GANAB: variants seen among roughly 807,000 people sequenced by gnomAD.
GANAB encodes the protein glucosidase II alpha subunit.
In GANAB, 35 loss-of-function variants were observed where a neutral mutation model predicts 129.9. The ratio of observed to expected loss-of-function variants is 0.27; its 90% CI spans 0.21 to 0.36. The LOEUF (loss-of-function observed/expected upper bound fraction) is 0.36, where lower values mean the gene tolerates loss of function less well. GANAB is among the 10% of genes least tolerant of loss of function. GANAB has a pLI of 1.00. For synonymous variants in GANAB, 482 were observed against 451.8 expected, an observed-to-expected ratio of 1.07 and a Z score of -0.85; for missense variants, 939 against 1,221.0, an observed-to-expected ratio of 0.77 and a Z score of 3.44.
intron 9 of GANAB, among the ~76,000 whole-genome samples, chr11:62,631,516 G>A (rs887448235): frequency 2.0e-5 from 3 of 150,424 alleles, no homozygotes; most frequent in African/African-American, 4.9e-5. Flanking sequence ...AGGCTGGAGT[G>A]CAATGGTGTG....
chr11:62,634,453 T>C, intron 5 of GANAB: 2 of 924,374 alleles, frequency 2.2e-6, no homozygotes, highest in Non-Finnish European at 3.6e-6. Flanking sequence ...TAAAAGTGAG[T>C]TTCAGTCGAC....
In GANAB at chr11:62,629,301, G is replaced by A. The variant is rs751441000; in HGVS notation, c.1835-6C>T. ...GTCCCCTGTCCACACGGCTCCTGAGGAAGACAAGAAGTGGGGAGCTTGCAC... is the reference window on the plus strand; with the variant it reads ...GTCCCCTGTCCACACGGCTCCTGAGAAAGACAAGAAGTGGGGAGCTTGCAC... On this transcript the variant is annotated splice_region_variant and splice_polypyrimidine_tract_variant and intron_variant, in intron 15 of 23. Coordinates refer to ENST00000356638, the MANE Select transcript of GANAB (RefSeq NM_198334.3). The A allele has an allele frequency of 1.1e-5, 17 of 1,586,384 alleles. No individual in the cohort carries two copies. Among genetic ancestry groups the A allele is most frequent in the Non-Finnish European group, 1.5e-5 (17 of 1,154,786 alleles).
At chr11:62,646,148 C>T (rs1565116193) in intron 1 of GANAB, among the ~76,000 whole-genome samples, 1 of 152,202 alleles carries the variant, frequency 6.6e-6, no homozygotes, top group Non-Finnish European at 1.5e-5. Context: ...TGGCCCGGTG[C>T]TTCCAGCTCA....
intron 9 of GANAB, among the ~76,000 whole-genome samples, chr11:62,632,204 C>T (rs1448308920): frequency 6.6e-6 from 1 of 151,810 alleles, no homozygotes. Context: ...CAACTTCTGA[C>T]CTCAGGTGAT....
At position 62,629,644 on chromosome 11, in the gene GANAB, C is replaced by T; in HGVS notation, c.1778G>A (p.Gly593Asp). 6 of 1,613,460 alleles carry T rather than the reference C, an allele frequency of 3.7e-6. No homozygotes were observed. The highest frequency in any genetic ancestry group is 1.1e-5 in the South Asian group (1 of 91,004). Residue 593 changes from glycine (G) to aspartate (D), a missense_variant, in exon 15 of 24, where the codon GGC becomes GAC. Coordinates refer to ENST00000356638, the MANE Select transcript of GANAB (RefSeq NM_198334.3). The stretch of plus-strand genomic sequence containing the variant: ...GGCCAGGACAAAGGGGCGTTCCATG[C>T]CCCCAGAGCGCTGTCTCAGCCCATC... ...TADGLRQRSGGMERPFVLARA... is the reference protein window; with the variant it reads ...TADGLRQRSGDMERPFVLARA...
Position 62,625,589 on chromosome 11 carries a change from A to C in GANAB, c.*226T>G, listed in dbSNP as rs1284183222. 1.4e-5 allele frequency: 8 copies of C among 556,694 alleles called. No individual in the cohort carries two copies. Among genetic ancestry groups the C allele is most frequent in the Admixed American group, 3.1e-5 (1 of 32,720 alleles). The allele number at this position is 556,694 out of a possible 1,614,324, so 34.5% of individuals were successfully genotyped here. A position where few individuals can be genotyped will look rare whatever the true frequency, so the allele number is the denominator to read the frequency against. ...GTTAGAGCAACAGGATGTTGGGGGA[A>C]TGAAGGGAAAGAGTTGGTATCAATG... On this transcript the variant is annotated 3_prime_UTR_variant, in exon 24 of 24. Coordinates refer to ENST00000356638, the MANE Select transcript of GANAB (RefSeq NM_198334.3).
At position 62,630,667 on chromosome 11, in the gene GANAB, G is replaced by A. The variant is rs141271178; in HGVS notation, c.1320C>T (p.Thr440=). 1,090 of 1,614,214 alleles carry A rather than the reference G, an allele frequency of 6.8e-4. 3 individuals carry two copies. In the African/African-American group the frequency reaches 0.012, roughly 18 times the overall value. The change falls in exon 11 of 24, where the codon ACC becomes ACT. Residue 440 remains threonine, a synonymous_variant. Transcript: ENST00000356638. ...GCTGAGGGAAGCGACTGGGGTCCCA[G>A]GTGAAATACCGCTTGCCATCAGCAT... ...IEHADGKRYF[T]WDPSRFPQPR... is the part of the protein sequence containing the mutation.
chr11:62,638,560 A>G (rs1385635156), intron 4 of GANAB, among the ~76,000 whole-genome samples: 1 of 151,496 alleles, frequency 6.6e-6, no homozygotes, highest in East Asian at 1.9e-4. Context: ...CCTATTCTGA[A>G]TATCTAAGGA....
At chr11:62,637,555 A>G (rs1943999666) in intron 4 of GANAB, among the ~76,000 whole-genome samples, 1 of 152,248 alleles carries the variant, frequency 6.6e-6, no homozygotes, top group African/African-American at 2.4e-5. Context: ...CAAGGATAAC[A>G]GGAGACATGT....
rs368174302 is a variant in GANAB at position 62,631,136 on chromosome 11, G to A, written c.1044C>T (p.Thr348=). ...ACATCCAGCGAACATCTGTCTGTGG[G>A]GTCTCCCCAGAGCCCTGCAGGTAGT... ...MMDYLQGSGE[T]PQTDVRWMSE... Residue 348 remains threonine (T), a synonymous_variant, in exon 10 of 24, where the codon ACC becomes ACT. Coordinates refer to ENST00000356638, the MANE Select transcript of GANAB (RefSeq NM_198334.3). 22 of 1,610,292 alleles carry A rather than the reference G, an allele frequency of 1.4e-5. No individual in the cohort carries two copies. The highest frequency in any genetic ancestry group is 1.9e-5 in the Non-Finnish European group (22 of 1,176,896).
intron 9 of GANAB, among the ~76,000 whole-genome samples, chr11:62,632,122 C>T (rs1040998693): frequency 2.6e-5 from 4 of 151,648 alleles, no homozygotes; most frequent in African/African-American, 4.9e-5. Flanking sequence ...TACAGGAGTC[C>T]GCCGCCACAC....
intron 5 of GANAB, chr11:62,633,995 C>A: frequency 2.6e-6 from 1 of 379,356 alleles, no homozygotes; most frequent in Non-Finnish European, 4.8e-6. Flanking sequence ...CTTTCAAGGG[C>A]AAGTAGCTCT....
At position 62,639,664 on chromosome 11, in the gene GANAB, T is replaced by C. The variant is rs1239573750; in HGVS notation, c.106A>G (p.Ser36Gly). Residue 36 changes from serine to glycine, a missense_variant, in exon 2 of 24, where the codon AGC (serine) becomes GGC (glycine). Ser to Gly is a moderately conservative substitution (Grantham distance 56). Coordinates refer to ENST00000356638, the MANE Select transcript of GANAB (RefSeq NM_198334.3). ...CTCTCTTCACAGGTCTTAAAGTTGC[T>C]TCTATCCACAGCAAGGGTAATCCCC... ...CLGITLAVDR[S>G]NFKTCEESSF... is the part of the protein sequence containing the mutation. 2.5e-6 allele frequency: 4 copies of C among 1,613,880 alleles called. No homozygotes were observed. In the Admixed American group the frequency reaches 6.7e-5, roughly 27 times the overall value.
Position 62,625,594 on chromosome 11 carries a change from G to T in GANAB, c.*221C>A. ...AGCAACAGGATGTTGGGGGAATGAA[G>T]GGAAAGAGTTGGTATCAATGGAGTG... On this transcript the variant is annotated 3_prime_UTR_variant, in exon 24 of 24. Transcript: ENST00000356638. 1.7e-6 allele frequency: 1 copy of T among 571,560 alleles called. No individual in the cohort carries two copies. Among genetic ancestry groups the T allele is most frequent in the Non-Finnish European group, 3.1e-6 (1 of 318,622 alleles). 35.4% of individuals were successfully genotyped at this position (571,560 alleles called of 1,614,324 possible). A position where few individuals can be genotyped will look rare whatever the true frequency, so the allele number is the denominator to read the frequency against.
rs775761544 is a variant in GANAB, at chr11:62,627,138, G to A, written c.2246-14C>T. 1.2e-6 allele frequency: 2 copies of A among 1,606,212 alleles called. No homozygotes were observed. Among genetic ancestry groups the A allele is most frequent in the South Asian group, 2.2e-5 (2 of 90,912 alleles). On this transcript the variant is annotated splice_polypyrimidine_tract_variant and intron_variant, in intron 18 of 23. Transcript: ENST00000356638. ...GCAACGCATCCCCTAAAATATGCCA[G>A]AATCAACTCTGAATAGGGGGATTAG... is the stretch of plus-strand genomic sequence containing the variant.
chr11:62,632,791 G>A, intron 8 of GANAB, 46 bp from the exon 9 acceptor site: 1 of 1,451,876 alleles, frequency 6.9e-7, no homozygotes, highest in Non-Finnish European at 9.6e-7. Context: ...GCCCCAGGCT[G>A]CGTTATATGC....
rs1401868489 is a variant in GANAB at position 62,639,640 on chromosome 11, T to C, written c.130A>G (p.Ser44Gly). Residue 44 changes from serine (S) to glycine (G), a missense_variant, in exon 2 of 24, where the codon AGT (serine) becomes GGT (glycine). Around this residue, in one of 5 missense-constraint regions of GANAB, gnomAD observed 321 missense variants for 329.1 expected, o/e 0.98. Coordinates refer to ENST00000356638, the MANE Select transcript of GANAB (RefSeq NM_198334.3). ...GAAATATCATACTTGCAGAAAGAAC[T>C]CTCTTCACAGGTCTTAAAGTTGCTT... Reference protein sequence around the residue: ...DRSNFKTCEESSFCKRQRSIR... With the variant: ...DRSNFKTCEEGSFCKRQRSIR... 1 of 1,610,534 alleles carries C rather than the reference T, an allele frequency of 6.2e-7. No individual in the cohort carries two copies. The highest frequency in any genetic ancestry group is 8.5e-7 in the Non-Finnish European group (1 of 1,176,864).
chr11:62,645,591 T>G (rs936264903), intron 1 of GANAB, among the ~76,000 whole-genome samples: 1 of 151,570 alleles, frequency 6.6e-6, no homozygotes, highest in African/African-American at 2.4e-5. Flanking sequence ...GGGCCCTATT[T>G]GCACAGTCTG....
chr11:62,632,752 G>A lies in GANAB; in HGVS notation c.816-7C>T, dbSNP rs1565098755. 6.2e-7 allele frequency: 1 copy of A among 1,610,436 alleles called. No homozygotes were observed. Among genetic ancestry groups the A allele is most frequent in the South Asian group, 1.1e-5 (1 of 90,932 alleles). ...GCGATATGGCTCCCCACCCCTGCAG[G>A]CAAACAGACAGACTTGGGCTGCTAA... On this transcript the variant is annotated splice_region_variant and splice_polypyrimidine_tract_variant and intron_variant, in intron 8 of 23. Transcript: ENST00000356638.
Sources: gnomAD v4.1 joint callset for allele counts (sites outside exome capture counted in the v4.1 genomes callset) on GRCh38, gnomAD v4.1.1 for gene constraint, gnomAD v4.1.1 regional missense constraint, MANE v1.5 for transcripts, NCBI Gene and HGNC (gene_info 2026-07-23, HGNC 2026-07-21) for gene names.